CFAP99: variants seen among roughly 807,000 people sequenced by gnomAD.
The protein encoded by CFAP99 is cilia- and flagella-associated protein 99.
A neutral mutation model predicts 82.7 loss-of-function variants in CFAP99; 84 were observed. The observed-to-expected ratio is 1.02, with a 90% CI of 0.85 to 1.22. CFAP99 has a LOEUF of 1.22. Ranked by LOEUF, CFAP99 falls within the 50% of genes most tolerant of loss-of-function variation. CFAP99 has a pLI of 0.00. For synonymous variants in CFAP99, 456 were observed against 429.5 expected, an observed-to-expected ratio of 1.06 and a Z score of -0.76; for missense variants, 1,059 against 983.5, an observed-to-expected ratio of 1.08 and a Z score of -1.03.
intron 4 of CFAP99, among the ~76,000 whole-genome samples, chr4:2,438,504 C>T (rs978078836): frequency 2.0e-5 from 3 of 152,132 alleles, no homozygotes; most frequent in African/African-American, 4.8e-5. Flanking sequence ...CCTCGTGATC[C>T]GCCCGCCTCG....
intron 2 of CFAP99, among the ~76,000 whole-genome samples, chr4:2,431,215 A>G (rs866276367): frequency 1.3e-5 from 2 of 151,684 alleles, no homozygotes; most frequent in South Asian, 2.1e-4. Flanking sequence ...AAAAATACAA[A>G]AAAATTAGCC....
At chr4:2,460,447 C>G (rs563054229) in intron 14 of CFAP99, among the ~76,000 whole-genome samples, 1 of 152,202 alleles carries the variant, frequency 6.6e-6, no homozygotes, top group Non-Finnish European at 1.5e-5. Flanking sequence ...GCATCCATGG[C>G]TCAGAAGCCA....
rs1419301334 is a variant in CFAP99 at position 2,437,058 on chromosome 4, C to T, written c.256+40C>T. On this transcript the variant is annotated intron_variant, in intron 3 of 14. Coordinates refer to ENST00000635017, the Ensembl canonical transcript of CFAP99. ...GGTCCCCAGGGCCAGGCCGTAGAGA[C>T]GGTTCACTCAGGCTCTCTGCGGAAA... is the stretch of plus-strand genomic sequence containing the variant. The T allele has an allele frequency of 9.1e-6, 14 of 1,534,274 alleles. No individual in the cohort carries two copies. The East Asian group carries it at 1.7e-4, about 19-fold the overall frequency.
chr4:2,459,406 C>G, intron 13 of CFAP99, 148 bp downstream of exon 13: 1 of 996,590 alleles, frequency 1.0e-6, no homozygotes, highest in East Asian at 2.7e-5. Flanking sequence ...GACTCAACAC[C>G]CATGTGCCGC....
At chr4:2,422,235 C>T (rs1733599323) in intron 1 of CFAP99, among the ~76,000 whole-genome samples, 1 of 152,224 alleles carries the variant, frequency 6.6e-6, no homozygotes, top group Non-Finnish European at 1.5e-5. Flanking sequence ...TTCACCTTCA[C>T]ATACACCTGC....
intron 6 of CFAP99, 48 bp downstream of exon 6, chr4:2,445,356 A>G: frequency 7.8e-7 from 1 of 1,280,914 alleles, no homozygotes. Flanking sequence ...GCATCAGGGT[A>G]GCCAAGCTGG....
chr4:2,454,594 G>GGTTTTTTTT (rs1560388808), intron 11 of CFAP99, among the ~76,000 whole-genome samples: 1 of 84,538 alleles, frequency 1.2e-5, no homozygotes, highest in Non-Finnish European at 2.5e-5. Context: ...TTTTTTTTTT[G>GGTTTTTTTT]TTTTTTTTTT....
chr4:2,459,214 G>A (rs1056764182), exon 13 of CFAP99: 11 of 1,535,672 alleles, frequency 7.2e-6, no homozygotes, highest in Admixed American at 2.0e-5. Flanking sequence ...GCGCGCACTC[G>A]AGACACAGCC....
intron 11 of CFAP99, among the ~76,000 whole-genome samples, chr4:2,457,258 C>G (rs1734459120): frequency 6.6e-6 from 1 of 152,216 alleles, no homozygotes; most frequent in Admixed American, 6.5e-5. Context: ...TACATTTTAC[C>G]AAAGTCTTCA....
intron 1 of CFAP99, 76 bp from the exon 2 acceptor site, chr4:2,426,383 C>A: frequency 1.1e-6 from 1 of 902,694 alleles, no homozygotes; most frequent in South Asian, 1.5e-5. Flanking sequence ...CCCTGGCAGA[C>A]TCCTGTCGCT....
intron 4 of CFAP99, among the ~76,000 whole-genome samples, chr4:2,438,725 G>A (rs2108721281): frequency 6.6e-6 from 1 of 152,192 alleles, no homozygotes; most frequent in Non-Finnish European, 1.5e-5. Flanking sequence ...AGCAGTGATT[G>A]AACCACTGCA....
Position 2,462,927 on chromosome 4 carries a change from G to A in CFAP99, c.*1G>A. On this transcript the variant is annotated 3_prime_UTR_variant, in exon 15 of 15. Transcript: ENST00000635017. This position sits in a 1 kb window ranked among gnomAD's most constrained non-coding sequence, Gnocchi z 4.1. ...CGCGCGCCGCCTGGAGGCCGCCTGAGCCGGGCCGAGCGCGCCCCACCCGCT... is the reference window on the plus strand; with the variant it reads ...CGCGCGCCGCCTGGAGGCCGCCTGAACCGGGCCGAGCGCGCCCCACCCGCT... 1 of 1,285,878 alleles carries A rather than the reference G, an allele frequency of 7.8e-7. No individual in the cohort carries two copies. The allele number at this position is 1,285,878 out of a possible 1,614,324, so 79.7% of individuals were successfully genotyped here. A position where few individuals can be genotyped will look rare whatever the true frequency, so the allele number is the denominator to read the frequency against.
chr4:2,459,165 G>A (rs1262582402), exon 13 of CFAP99: 1 of 1,535,432 alleles, frequency 6.5e-7, no homozygotes, highest in Non-Finnish European at 8.7e-7. Context: ...AGGCAGCCCA[G>A]GAGGAGCAGC....
chr4:2,419,560 T>G (rs186743611), intron 1 of CFAP99, among the ~76,000 whole-genome samples: 19 of 152,264 alleles, frequency 1.2e-4, no homozygotes, highest in Middle Eastern at 6.8e-3. Context: ...GTCTCTGGCT[T>G]GTTGTGAAAC....
rs560295665 is a variant in CFAP99, at chr4:2,431,835, G to A, written c.112-5039G>A. Reference sequence around the variant, plus strand: ...AGGTTCAAGCAATTCTCGTGCATGAGCCTCCCAAGTAGCTGGAATTACAGG... The same window carrying A: ...AGGTTCAAGCAATTCTCGTGCATGAACCTCCCAAGTAGCTGGAATTACAGG... On this transcript the variant is annotated intron_variant, in intron 2 of 14. Transcript: ENST00000635017. Among the ~76,000 whole-genome samples, 9 of 152,168 alleles carry A rather than the reference G, an allele frequency of 5.9e-5. 1 individual carries two copies. The South Asian group carries it at 1.5e-3, about 25-fold the overall frequency.
rs538603333 is a variant in CFAP99 at position 2,426,969 on chromosome 4, G to C, written c.111+383G>C. 1.3e-3 allele frequency: 316 copies of C among 250,904 alleles called. 5 individuals carry two copies. The highest frequency in any genetic ancestry group is 1.6e-3 in the Middle Eastern group (1 of 632). The allele number at this position is 250,904 out of a possible 1,614,324, so 15.5% of individuals were successfully genotyped here. On this transcript the variant is annotated intron_variant, in intron 2 of 14. Transcript: ENST00000635017. Reference sequence around the variant, plus strand: ...GCGCCCCAGGGCTGTGGCAGTGAGGGTGCGCAAGGCCACAACTTGTGCTGT... The same window carrying C: ...GCGCCCCAGGGCTGTGGCAGTGAGGCTGCGCAAGGCCACAACTTGTGCTGT...
At chr4:2,459,389 C>A in intron 13 of CFAP99, 131 bp downstream of exon 13, 1 of 1,118,220 alleles carries the variant, frequency 8.9e-7, no homozygotes, top group Non-Finnish European at 1.2e-6. Context: ...GGCCCGCCAC[C>A]CTCCGTGACT....
At chr4:2,447,528 G>C (rs937618264) in intron 6 of CFAP99, among the ~76,000 whole-genome samples, 4 of 151,954 alleles carry the variant, frequency 2.6e-5, no homozygotes, top group African/African-American at 9.7e-5. Context: ...TTAATGGATA[G>C]ATGGATAGAT....
chr4:2,433,221 T>C (rs574335187), intron 2 of CFAP99, among the ~76,000 whole-genome samples: 1 of 152,292 alleles, frequency 6.6e-6, no homozygotes, highest in South Asian at 2.1e-4. Flanking sequence ...TCCGACCTTA[T>C]GAAAAATGCA....
Sources: gnomAD v4.1 joint callset for allele counts (sites outside exome capture counted in the v4.1 genomes callset) on GRCh38, gnomAD v4.1.1 for gene constraint, Gnocchi (gnomAD v3.1) non-coding constraint, MANE v1.5 for transcripts, NCBI Gene and HGNC (gene_info 2026-07-23, HGNC 2026-07-21) for gene names.